NHSL3: variants seen among roughly 807,000 people sequenced by gnomAD.
NHSL3 encodes NHS-like protein 3.
the NHSL3 span, among the ~76,000 whole-genome samples, chr1:32,746,340 A>G: frequency 3.3e-5 from 5 of 152,274 alleles, no homozygotes; most frequent in African/African-American, 1.2e-4. Context: ...GTGGGTAGGA[A>G]GTGTTTCTGG....
the NHSL3 span, chr1:32,765,704 A>G: frequency 6.5e-7 from 1 of 1,541,744 alleles, no homozygotes; most frequent in Non-Finnish European, 8.7e-7. Flanking sequence ...CAGTGAAGGT[A>G]CGCCCCGCGC....
At chr1:32,771,909 A>G in the NHSL3 span, 4 of 1,591,392 alleles carry the variant, frequency 2.5e-6, no homozygotes, top group Middle Eastern at 1.7e-4. Context: ...CCCCCCAGAA[A>G]CCACTGCGAA....
the NHSL3 span, chr1:32,765,679 C>A: frequency 6.5e-7 from 1 of 1,538,296 alleles, no homozygotes; most frequent in Non-Finnish European, 8.7e-7. Flanking sequence ...CTCGCATCCC[C>A]ATAGTGCTGG....
chr1:32,765,881 C>T, the NHSL3 span: 5 of 1,475,040 alleles, frequency 3.4e-6, no homozygotes, highest in Non-Finnish European at 4.6e-6. Flanking sequence ...CTCCCTTTCC[C>T]AGACCCTTAT....
At chr1:32,749,568 G>C in the NHSL3 span, among the ~76,000 whole-genome samples, 2 of 152,150 alleles carry the variant, frequency 1.3e-5, no homozygotes, top group African/African-American at 4.8e-5. Flanking sequence ...TCTAGTGTCA[G>C]AGGCAGAAGA....
the NHSL3 span, chr1:32,771,299 C>T: frequency 1.9e-6 from 3 of 1,603,946 alleles, no homozygotes; most frequent in South Asian, 3.3e-5. Context: ...CCTCAGTCCC[C>T]TCCCACTCCC....
chr1:32,748,694 G>A, the NHSL3 span, among the ~76,000 whole-genome samples: 2 of 152,146 alleles, frequency 1.3e-5, no homozygotes, highest in African/African-American at 4.8e-5. Flanking sequence ...TTCTTCTTGG[G>A]TAAAGGGCAC....
the NHSL3 span, among the ~76,000 whole-genome samples, chr1:32,759,034 G>A: frequency 5.3e-5 from 8 of 152,214 alleles, no homozygotes; most frequent in African/African-American, 1.9e-4. Flanking sequence ...GAGTGGTGGG[G>A]AGAGGAGGCT....
chr1:32,774,866 C>G, the NHSL3 span: 1 of 152,330 alleles, frequency 6.6e-6, no homozygotes, highest in South Asian at 2.1e-4. Context: ...ATTTTTGAGT[C>G]TTTGATATGT....
chr1:32,742,745 A>G, the NHSL3 span, among the ~76,000 whole-genome samples: 2 of 152,172 alleles, frequency 1.3e-5, no homozygotes, highest in Non-Finnish European at 1.5e-5. Context: ...GGCCTCCCTC[A>G]ACGCTCACCT....
At chr1:32,748,658 G>A in the NHSL3 span, among the ~76,000 whole-genome samples, 1 of 152,154 alleles carries the variant, frequency 6.6e-6, no homozygotes, top group Non-Finnish European at 1.5e-5. Flanking sequence ...AGTTGGGGTT[G>A]GGCAGTATAT....
At chr1:32,742,048 T>TCCGGCCTCCGCCGCGC in the NHSL3 span, 1 of 1,260,394 alleles carries the variant, frequency 7.9e-7, no homozygotes, top group Non-Finnish European at 1.0e-6. Context: ...CTCCGGCGCG[T>TCCGGCCTCCGCCGCGC]CCGGCCTCCG....
chr1:32,767,882 C>A, the NHSL3 span: 1 of 1,614,060 alleles, frequency 6.2e-7, no homozygotes, highest in South Asian at 1.1e-5. Flanking sequence ...CGTCTTCTTT[C>A]CCAGTGGGCG....
At chr1:32,770,270 T>G in the NHSL3 span, 1 of 1,604,030 alleles carries the variant, frequency 6.2e-7, no homozygotes, top group Non-Finnish European at 8.5e-7. This position sits in a 1 kb window ranked among gnomAD's most constrained non-coding sequence, Gnocchi z 8.3. Flanking sequence ...CCGCCTACAG[T>G]GGACGTGGTG....
At chr1:32,771,236 C>G in the NHSL3 span, 1 of 1,613,056 alleles carries the variant, frequency 6.2e-7, no homozygotes, top group Non-Finnish European at 8.5e-7. Flanking sequence ...GCTGCCCCTG[C>G]TCTAGCCGCC....
At chr1:32,761,361 G>T in the NHSL3 span, among the ~76,000 whole-genome samples, 1 of 152,152 alleles carries the variant, frequency 6.6e-6, no homozygotes, top group Non-Finnish European at 1.5e-5. Flanking sequence ...GGGTGGGGAG[G>T]GGGAGGGGTG....
the NHSL3 span, chr1:32,771,036 T>C: frequency 6.2e-7 from 1 of 1,613,144 alleles, no homozygotes; most frequent in Non-Finnish European, 8.5e-7. Flanking sequence ...TCACGTCTCT[T>C]CGCTCCCCTG....
At chr1:32,743,115 G>A in the NHSL3 span, among the ~76,000 whole-genome samples, 1 of 152,182 alleles carries the variant, frequency 6.6e-6, no homozygotes, top group Admixed American at 6.5e-5. Flanking sequence ...TCCTTTTGAT[G>A]GGGAGGGCTT....
At chr1:32,768,563 C>G in the NHSL3 span, 1 of 1,537,098 alleles carries the variant, frequency 6.5e-7, no homozygotes, top group African/African-American at 1.4e-5. Context: ...CTACTGCACT[C>G]CAGCCTGAGC....
Sources: allele counts gnomAD v4.1 joint callset (sites outside exome capture counted in the v4.1 genomes callset), GRCh38; gene constraint gnomAD v4.1.1; non-coding constraint Gnocchi (gnomAD v3.1); transcripts MANE v1.5; gene names NCBI Gene and HGNC (gene_info 2026-07-23, HGNC 2026-07-21).